UBQLN2: variants seen among roughly 807,000 people sequenced by gnomAD.
The protein encoded by UBQLN2 is ubiquilin-2.
A neutral mutation model predicts 22.2 loss-of-function variants in UBQLN2; 2 were observed. That is an observed-to-expected ratio of 0.09 (90% CI 0.04 to 0.28). The LOEUF is 0.28. Ranked by LOEUF, UBQLN2 falls within the 10% of genes least tolerant of loss-of-function variation. The pLI, the probability that UBQLN2 is intolerant of heterozygous loss-of-function variation, is 1.00. For synonymous variants in UBQLN2, 252 were observed against 206.7 expected, an observed-to-expected ratio of 1.22 and a Z score of -1.88; for missense variants, 446 against 505.1, an observed-to-expected ratio of 0.88 and a Z score of 1.12.
rs1214244438 is a variant in UBQLN2, at chrX:56,567,131, G to A, written c.*1383G>A. On this transcript the variant is annotated 3_prime_UTR_variant, in exon 1 of 1. Coordinates refer to ENST00000338222, the MANE Select transcript of UBQLN2 (RefSeq NM_013444.4). ...TATTCTAACTTTTTTGCCCCAAAGG[G>A]TTAGCCAGTTGTTAACATATTTACC... The A allele has an allele frequency of 3.3e-5, 4 of 122,517 alleles. No homozygotes were observed. The highest frequency in any genetic ancestry group is 9.8e-5 in the African/African-American group (3 of 30,554). The allele number at this position is 122,517 out of a possible 1,213,427, so 10.1% of individuals were successfully genotyped here.
In UBQLN2 at chrX:56,567,548, A is replaced by G. The variant is rs2068648523; in HGVS notation, c.*1800A>G. 1 of 122,886 alleles carries G rather than the reference A, an allele frequency of 8.1e-6. No individual in the cohort carries two copies. Among genetic ancestry groups the G allele is most frequent in the South Asian group, 3.7e-4 (1 of 2,704 alleles). The allele number at this position is 122,886 out of a possible 1,213,427, so 10.1% of individuals were successfully genotyped here. A position where few individuals can be genotyped will look rare whatever the true frequency, so the allele number is the denominator to read the frequency against. On this transcript the variant is annotated 3_prime_UTR_variant, in exon 1 of 1. Coordinates refer to ENST00000338222, the MANE Select transcript of UBQLN2 (RefSeq NM_013444.4). Reference sequence around the variant, plus strand: ...TTTACTTAAATCCTATATAATTTGTAATAAATATGTTCCTAGGTAATACAG... The same window carrying G: ...TTTACTTAAATCCTATATAATTTGTGATAAATATGTTCCTAGGTAATACAG...
rs2068632967 is a variant in UBQLN2, at chrX:56,564,852, C to T, written c.979C>T (p.Gln327Ter). ...PNPWAPPPATQSSATTSTTTS... is the reference protein window; with the variant it reads ...PNPWAPPPAT ...TCCATGGGCACCACCGCCAGCTACC[C>T]AGAGTTCTGCAACTACCAGCACGAC... Residue 327 changes from glutamine (Q) to a stop codon, truncating the protein, a stop_gained, in exon 1 of 1, where the codon CAG (glutamine) becomes TAG (stop). Transcript: ENST00000338222. LOFTEE classifies it high-confidence loss of function. 8.3e-7 allele frequency: 1 copy of T among 1,209,227 alleles called. No individual in the cohort carries two copies. Among genetic ancestry groups the T allele is most frequent in the African/African-American group, 1.8e-5 (1 of 56,914 alleles).
chrX:56,563,821 C>T lies in UBQLN2; in HGVS notation c.-53C>T. 2 of 988,239 alleles carry T rather than the reference C, an allele frequency of 2.0e-6. No individual in the cohort carries two copies. The highest frequency in any genetic ancestry group is 2.7e-6 in the Non-Finnish European group (2 of 728,796). The allele number at this position is 988,239 out of a possible 1,213,427, so 81.4% of individuals were successfully genotyped here. Reference sequence around the variant, plus strand: ...CCTTCCTTCCTCCTTCCCTCGCGCTCTCTCTTTCGCCCGCCCGCGCCTTCC... The same window carrying T: ...CCTTCCTTCCTCCTTCCCTCGCGCTTTCTCTTTCGCCCGCCCGCGCCTTCC... On this transcript the variant is annotated 5_prime_UTR_variant, in exon 1 of 1. Transcript: ENST00000338222.
Position 56,566,824 on chromosome X carries a change from G to A in UBQLN2, c.*1076G>A, listed in dbSNP as rs920253380. ...TCACTGAAAGTGTCATGTGATGTTT[G>A]CATTACTTTTAACTGCTATGTATAA... On this transcript the variant is annotated 3_prime_UTR_variant, in exon 1 of 1. Coordinates refer to ENST00000338222, the MANE Select transcript of UBQLN2 (RefSeq NM_013444.4). 1 of 122,688 alleles carries A rather than the reference G, an allele frequency of 8.2e-6. No individual in the cohort carries two copies. The highest frequency in any genetic ancestry group is 3.3e-5 in the African/African-American group (1 of 30,695). 10.1% of individuals were successfully genotyped at this position (122,688 alleles called of 1,213,427 possible).
At position 56,565,766 on chromosome X, in the gene UBQLN2, G is replaced by GA. The variant is rs745344524; in HGVS notation, c.*26dup. 15 of 1,163,682 alleles carry GA rather than the reference G, an allele frequency of 1.3e-5. No homozygotes were observed. The highest frequency in any genetic ancestry group is 6.1e-5 in the East Asian group (2 of 32,787). On this transcript the variant is annotated 3_prime_UTR_variant, in exon 1 of 1. Coordinates refer to ENST00000338222, the MANE Select transcript of UBQLN2 (RefSeq NM_013444.4). Reference sequence around the variant, plus strand: ...CATCGTAATCACATTTCTGTACCTGGAAAAAAAATGTATCTTATTTTTGAT... The same window carrying GA: ...CATCGTAATCACATTTCTGTACCTGGAAAAAAAAATGTATCTTATTTTTGAT...
rs148433129 is a variant in UBQLN2, at chrX:56,565,655, C to T, written c.1782C>T (p.Phe594=). 1 of 1,212,221 alleles carries T rather than the reference C, an allele frequency of 8.2e-7. No homozygotes were observed. Among genetic ancestry groups the T allele is most frequent in the African/African-American group, 1.7e-5 (1 of 57,924 alleles). ...QQLEQLNAMG[F]LNREANLQAL... ...TGGAACAGCTCAACGCAATGGGGTT[C>T]TTAAACCGTGAAGCAAACTTGCAGG... The change falls in exon 1 of 1, where the codon TTC becomes TTT. Residue 594 remains phenylalanine (F), a synonymous_variant. Transcript: ENST00000338222.
At position 56,565,492 on chromosome X, in the gene UBQLN2, G is replaced by A. The variant is rs1344936853; in HGVS notation, c.1619G>A (p.Ser540Asn). The A allele has an allele frequency of 8.3e-7, 1 of 1,206,018 alleles. No homozygotes were observed. Among genetic ancestry groups the A allele is most frequent in the South Asian group, 1.8e-5 (1 of 56,115 alleles). The change falls in exon 1 of 1, where the codon AGC becomes AAC. Residue 540 changes from serine (S) to asparagine (N), a missense_variant. Around this residue, in one of 3 missense-constraint regions of UBQLN2, gnomAD observed 278 missense variants for 279.4 expected, o/e 1.00. Coordinates refer to ENST00000338222, the MANE Select transcript of UBQLN2 (RefSeq NM_013444.4). Reference sequence around the variant, plus strand: ...GGCCCCACGGGGCCTACTGTGTCCAGCGCTGCACCTAGTGAAACCACGAGT... The same window carrying A: ...GGCCCCACGGGGCCTACTGTGTCCAACGCTGCACCTAGTGAAACCACGAGT... The part of the protein sequence containing the change: ...SGGPTGPTVS[S>N]AAPSETTSPT...
rs1438737944 is a variant in UBQLN2 at position 56,566,240 on chromosome X, CAGA to C, written c.*495_*497del. 7.0e-6 allele frequency: 1 copy of C among 143,071 alleles called. No homozygotes were observed. The highest frequency in any genetic ancestry group is 3.2e-5 in the African/African-American group (1 of 31,155). 11.8% of individuals were successfully genotyped at this position (143,071 alleles called of 1,213,427 possible). The stretch of plus-strand genomic sequence containing the variant: ...TAATGTAGAATGAAGATATTAAAAA[CAGA>C]AGCAAATTATTTGAAGCTCTCTAAT... On this transcript the variant is annotated 3_prime_UTR_variant, in exon 1 of 1. Coordinates refer to ENST00000338222, the MANE Select transcript of UBQLN2 (RefSeq NM_013444.4).
At position 56,565,754 on chromosome X, in the gene UBQLN2, T is replaced by A. The variant is rs762682060; in HGVS notation, c.*6T>A. 56 of 1,193,410 alleles carry A rather than the reference T, an allele frequency of 4.7e-5. No homozygotes were observed. The highest frequency in any genetic ancestry group is 4.6e-4 in the Middle Eastern group (2 of 4,345). ...TGGGCTCCCAGCCATCGTAATCACA[T>A]TTCTGTACCTGGAAAAAAAATGTAT... On this transcript the variant is annotated 3_prime_UTR_variant, in exon 1 of 1. Transcript: ENST00000338222.
chrX:56,565,715 C>T lies in UBQLN2; in HGVS notation c.1842C>T (p.Ala614=), dbSNP rs1383368523. The change falls in exon 1 of 1, where the codon GCC becomes GCT. Residue 614 remains alanine, a synonymous_variant. Coordinates refer to ENST00000338222, the MANE Select transcript of UBQLN2 (RefSeq NM_013444.4). Reference sequence around the variant, plus strand: ...CAACAGGAGGCGACATCAATGCAGCCATTGAAAGGCTGCTGGGCTCCCAGC... The same window carrying T: ...CAACAGGAGGCGACATCAATGCAGCTATTGAAAGGCTGCTGGGCTCCCAGC... ...LIATGGDINA[A]IERLLGSQPS 1 of 1,210,655 alleles carries T rather than the reference C, an allele frequency of 8.3e-7. No homozygotes were observed. Among genetic ancestry groups the T allele is most frequent in the Non-Finnish European group, 1.1e-6 (1 of 894,637 alleles).
Position 56,565,094 on chromosome X carries a change from A to G in UBQLN2, c.1221A>G (p.Ala407=). Residue 407 remains alanine, a synonymous_variant, in exon 1 of 1, where the codon GCA becomes GCG. Transcript: ENST00000338222. ...TGAGCCAGAATCCAGATTTGGCTGC[A>G]CAGATGATGCTGAATAGCCCGCTGT... The part of the protein sequence containing the change: ...QSLSQNPDLA[A]QMMLNSPLFT... 5.8e-6 allele frequency: 7 copies of G among 1,212,067 alleles called. No homozygotes were observed. Among genetic ancestry groups the G allele is most frequent in the South Asian group, 1.8e-5 (1 of 57,008 alleles).
At position 56,565,375 on chromosome X, in the gene UBQLN2, T is replaced by C. The variant is rs756917208; in HGVS notation, c.1502T>C (p.Ile501Thr). Residue 501 changes from isoleucine to threonine, a missense_variant, in exon 1 of 1, where the codon ATA becomes ACA. Physicochemically the swap from Ile to Thr is moderately conservative, Grantham distance 89. Coordinates refer to ENST00000338222, the MANE Select transcript of UBQLN2 (RefSeq NM_013444.4). ...GGCCCAGTCACCCCCATAGGCCCCA[T>C]AGGCCCTATAGTCCCTTTTACCCCC... ...PVGPVTPIGP[I>T]GPIVPFTPIG... 147 of 1,200,868 alleles carry C rather than the reference T, an allele frequency of 1.2e-4. No homozygotes were observed. Among genetic ancestry groups the C allele is most frequent in the Non-Finnish European group, 1.2e-5 (11 of 890,059 alleles).
In UBQLN2 at chrX:56,563,829, CGCCCGCCCGCGCCTTCCCT is replaced by C; in HGVS notation, c.-37_-19del. 1.9e-6 allele frequency: 2 copies of C among 1,026,222 alleles called. No homozygotes were observed. 84.6% of individuals were successfully genotyped at this position (1,026,222 alleles called of 1,213,427 possible). ...CCTCCTTCCCTCGCGCTCTCTCTTT[CGCCCGCCCGCGCCTTCCCT>C]GCCCGCCTGCGTCACCGCGGCCGCC... is the stretch of plus-strand genomic sequence containing the variant. On this transcript the variant is annotated 5_prime_UTR_variant, in exon 1 of 1. Coordinates refer to ENST00000338222, the MANE Select transcript of UBQLN2 (RefSeq NM_013444.4).
Position 56,564,893 on chromosome X carries a change from T to A in UBQLN2, c.1020T>A (p.Ser340Arg). 8.3e-7 allele frequency: 1 copy of A among 1,211,127 alleles called. No individual in the cohort carries two copies. Among genetic ancestry groups the A allele is most frequent in the Non-Finnish European group, 1.1e-6 (1 of 895,211 alleles). The change falls in exon 1 of 1, where the codon AGT becomes AGA. Residue 340 changes from serine (S) to arginine (R), a missense_variant. Physicochemically the swap from Ser to Arg is moderately radical, Grantham distance 110. Coordinates refer to ENST00000338222, the MANE Select transcript of UBQLN2 (RefSeq NM_013444.4). ...ATTSTTTSTG[S>R]GSGNSSSNAT... is the part of the protein sequence containing the mutation. ...CCAGCACGACCACAAGCACTGGTAG[T>A]GGGTCTGGCAATAGTTCCAGCAATG...
At position 56,566,842 on chromosome X, in the gene UBQLN2, A is replaced by G. The variant is rs918806074; in HGVS notation, c.*1094A>G. The G allele has an allele frequency of 2.4e-5, 3 of 123,175 alleles. No homozygotes were observed. Among genetic ancestry groups the G allele is most frequent in the Non-Finnish European group, 3.8e-5 (2 of 53,175 alleles). The allele number at this position is 123,175 out of a possible 1,213,427, so 10.2% of individuals were successfully genotyped here. ...GATGTTTGCATTACTTTTAACTGCTATGTATAAAGGAAAGTGTGTCTTTTG... is the reference window on the plus strand; with the variant it reads ...GATGTTTGCATTACTTTTAACTGCTGTGTATAAAGGAAAGTGTGTCTTTTG... On this transcript the variant is annotated 3_prime_UTR_variant, in exon 1 of 1. Transcript: ENST00000338222.
Position 56,563,840 on chromosome X carries a change from G to C in UBQLN2, c.-34G>C. On this transcript the variant is annotated 5_prime_UTR_variant, in exon 1 of 1. Coordinates refer to ENST00000338222, the MANE Select transcript of UBQLN2 (RefSeq NM_013444.4). ...CGCGCTCTCTCTTTCGCCCGCCCGC[G>C]CCTTCCCTGCCCGCCTGCGTCACCG... 9.2e-7 allele frequency: 1 copy of C among 1,086,379 alleles called. No homozygotes were observed. Among genetic ancestry groups the C allele is most frequent in the Non-Finnish European group, 1.2e-6 (1 of 816,725 alleles). The allele number at this position is 1,086,379 out of a possible 1,213,427, so 89.5% of individuals were successfully genotyped here.
chrX:56,564,731 GTTTGGGGGTAATCCAT>G lies in UBQLN2; in HGVS notation c.861_876del (p.Phe287LeufsTer85). The G allele has an allele frequency of 8.3e-7, 1 of 1,211,791 alleles. No individual in the cohort carries two copies. On this transcript the variant is annotated frameshift_variant, in exon 1 of 1. Transcript: ENST00000338222. LOFTEE classifies it high-confidence loss of function. ...CGATGCTGAATGCCGCACAAGAGCA[GTTTGGGGGTAATCCAT>G]TTGCCTCCGTGGGGAGTAGTTCCTC...
chrX:56,564,343 T>G lies in UBQLN2; in HGVS notation c.470T>G (p.Leu157Arg). The change falls in exon 1 of 1, where the codon CTG becomes CGG. Residue 157 changes from leucine (L) to arginine (R), a missense_variant. Physicochemically the swap from Leu to Arg is moderately radical, Grantham distance 102 (BLOSUM62 -2). This residue lies in a region of UBQLN2 where 129 missense variants were observed against 198.1 expected (regional missense o/e 0.65). Transcript: ENST00000338222. ...GGAGGACTTGCAGGCCTTAGCAGCC[T>G]GGGCTTGAGCTCGACCAACTTCTCT... is the stretch of plus-strand genomic sequence containing the variant. The part of the protein sequence containing the change: ...SLGGLAGLSS[L>R]GLSSTNFSEL... 8.3e-7 allele frequency: 1 copy of G among 1,211,832 alleles called. No individual in the cohort carries two copies. The highest frequency in any genetic ancestry group is 1.1e-6 in the Non-Finnish European group (1 of 895,488).
rs780603322 is a variant in UBQLN2, at chrX:56,567,668, C to T, written c.*1920C>T. ...ATATAGGAGAAGAATTTATTTGCAT[C>T]GATTATTTTAAATTGGCAATTTATT... is the stretch of plus-strand genomic sequence containing the variant. On this transcript the variant is annotated 3_prime_UTR_variant, in exon 1 of 1. Transcript: ENST00000338222. 7 of 122,443 alleles carry T rather than the reference C, an allele frequency of 5.7e-5. No homozygotes were observed. Among genetic ancestry groups the T allele is most frequent in the Non-Finnish European group, 1.3e-4 (7 of 52,984 alleles). 10.1% of individuals were successfully genotyped at this position (122,443 alleles called of 1,213,427 possible).
Sources: gnomAD v4.1 joint callset for allele counts on GRCh38, gnomAD v4.1.1 for gene constraint, gnomAD v4.1.1 regional missense constraint, MANE v1.5 for transcripts, NCBI Gene and HGNC (gene_info 2026-07-23, HGNC 2026-07-21) for gene names.